FBXO34: variants seen among roughly 807,000 people sequenced by gnomAD.
FBXO34 encodes F-box protein 34.
In FBXO34, 12 loss-of-function variants were observed where a neutral mutation model predicts 24.5. The observed-to-expected ratio is 0.49, with a 90% CI of 0.31 to 0.79. The LOEUF is 0.79. FBXO34 is among the 30% of genes least tolerant of loss of function. The pLI is 0.04. For synonymous variants in FBXO34, 320 were observed against 311.9 expected (o/e 1.03, Z -0.27); for missense variants, 823 against 857.7 (o/e 0.96, Z 0.51).
chr14:55,433,311 T>A, the FBXO34 span, among the ~76,000 whole-genome samples: 1 of 29,834 alleles, frequency 3.4e-5, no homozygotes, highest in Admixed American at 4.6e-4. Context: ...AGATTTCTCT[T>A]TTTTTTTTTT....
At position 55,281,199 on chromosome 14, in the gene FBXO34, A is replaced by T. The variant is rs920955735; in HGVS notation, c.-11+9662A>T. Among the ~76,000 whole-genome samples the T allele has an allele frequency of 2.8e-5, 4 of 143,252 alleles. No individual in the cohort carries two copies. In the South Asian group the frequency reaches 6.8e-4, roughly 24 times the overall value. The allele number at this position is 143,252 out of a possible 152,430, so 94.0% of individuals were successfully genotyped here. A position where few individuals can be genotyped will look rare whatever the true frequency, so the allele number is the denominator to read the frequency against. The stretch of plus-strand genomic sequence containing the variant: ...AACACAGGAGTTTTAGGTTATGGTG[A>T]GCTATGATCGTGCCACTGGACTCCA... On this transcript the variant is annotated intron_variant, in intron 1 of 1. Transcript: ENST00000313833.
the FBXO34 span, among the ~76,000 whole-genome samples, chr14:55,442,007 C>A: frequency 2.0e-5 from 3 of 151,772 alleles, no homozygotes; most frequent in Non-Finnish European, 2.9e-5. Context: ...AGGTGATCCA[C>A]CTGCCTTGGC....
chr14:55,340,199 A>G (rs1883944533), intron 1 of FBXO34, among the ~76,000 whole-genome samples: 1 of 152,072 alleles, frequency 6.6e-6, no homozygotes, highest in Non-Finnish European at 1.5e-5. Context: ...CTTGCAAGCA[A>G]ACTCTTTTGC....
At chr14:55,432,726 T>C in the FBXO34 span, among the ~76,000 whole-genome samples, 3 of 152,218 alleles carry the variant, frequency 2.0e-5, no homozygotes, top group Non-Finnish European at 4.4e-5. Flanking sequence ...AGTACATTTA[T>C]AGAGCGAGAA....
At chr14:55,437,842 A>G in the FBXO34 span, among the ~76,000 whole-genome samples, 1 of 152,236 alleles carries the variant, frequency 6.6e-6, no homozygotes, top group South Asian at 2.1e-4. Flanking sequence ...GCAAAGGCGT[A>G]ATAAGAATTC....
intron 1 of FBXO34, among the ~76,000 whole-genome samples, chr14:55,307,631 T>G (rs928591365): frequency 6.6e-6 from 1 of 152,264 alleles, no homozygotes; most frequent in African/African-American, 2.4e-5. Flanking sequence ...TGCTGAGAGA[T>G]AACCTACTGA....
the FBXO34 span, chr14:55,382,095 T>C: frequency 6.2e-7 from 1 of 1,614,014 alleles, no homozygotes; most frequent in South Asian, 1.1e-5. Context: ...AGACCCATCG[T>C]CCTGAGAGGT....
the FBXO34 span, among the ~76,000 whole-genome samples, chr14:55,437,864 T>G: frequency 6.6e-6 from 1 of 152,224 alleles, no homozygotes; most frequent in Non-Finnish European, 1.5e-5. Flanking sequence ...TGTAATGTTC[T>G]AGTTAGAAGA....
At chr14:55,388,940 C>G in the FBXO34 span, among the ~76,000 whole-genome samples, 3 of 151,964 alleles carry the variant, frequency 2.0e-5, no homozygotes, top group Non-Finnish European at 4.4e-5. Flanking sequence ...AGAGTAAGCA[C>G]GTTGAAGCTT....
intron 1 of FBXO34, among the ~76,000 whole-genome samples, chr14:55,341,934 C>T (rs1884007026): frequency 6.6e-6 from 1 of 152,102 alleles, no homozygotes; most frequent in Admixed American, 6.5e-5. Flanking sequence ...TCCTCCAGGC[C>T]CTTCTCTTCC....
the FBXO34 span, among the ~76,000 whole-genome samples, chr14:55,407,591 T>G: frequency 6.6e-6 from 1 of 152,238 alleles, no homozygotes; most frequent in Admixed American, 6.5e-5. Context: ...AAAGTTGTAT[T>G]GCTTTTGACA....
chr14:55,355,996 G>C (rs1289808256), downstream of FBXO34, among the ~76,000 whole-genome samples: 1 of 152,158 alleles, frequency 6.6e-6, no homozygotes, highest in African/African-American at 2.4e-5. Flanking sequence ...GGGTTTGCTC[G>C]GTACCTCTCA....
chr14:55,275,659 A>T (rs1381502258), intron 1 of FBXO34, among the ~76,000 whole-genome samples: 2 of 151,486 alleles, frequency 1.3e-5, no homozygotes, highest in Non-Finnish European at 2.9e-5. Flanking sequence ...CTAAAAAAAA[A>T]AAAAAATACA....
At chr14:55,380,875 A>ATATATATATATATATAT in the FBXO34 span, among the ~76,000 whole-genome samples, 21 of 112,700 alleles carry the variant, frequency 1.9e-4, no homozygotes, top group African/African-American at 6.8e-4. Flanking sequence ...ATATATATAT[A>ATATATATATATATATAT]TTTTTTTTTT....
rs760130316 is a variant in FBXO34 at position 55,352,117 on chromosome 14, C to A, written c.1727C>A (p.Ala576Asp). 154 of 1,614,040 alleles carry A rather than the reference C, an allele frequency of 9.5e-5. 1 individual carries two copies. Among genetic ancestry groups the A allele is most frequent in the Middle Eastern group, 1.6e-4 (1 of 6,084 alleles). The change falls in exon 2 of 2, where the codon GCT becomes GAT. Residue 576 changes from alanine to aspartate, a missense_variant. By Grantham distance (126) the Ala-to-Asp change is moderately radical. Coordinates refer to ENST00000313833, the MANE Select transcript of FBXO34 (RefSeq NM_017943.4). ...CTTTTGGAGCCTCAGCAGTACATGG[C>A]TTTTCTGCCCCACCACATTATGGTA... ...QQLLEPQQYM[A>D]FLPHHIMVKI...
chr14:55,315,475 G>A (rs948926253), intron 1 of FBXO34, among the ~76,000 whole-genome samples: 1 of 152,106 alleles, frequency 6.6e-6, no homozygotes, highest in Non-Finnish European at 1.5e-5. Context: ...TAGATTTCAT[G>A]TCTTCTTTCT....
At chr14:55,396,600 A>G in the FBXO34 span, among the ~76,000 whole-genome samples, 2 of 152,188 alleles carry the variant, frequency 1.3e-5, no homozygotes, top group Non-Finnish European at 2.9e-5. Context: ...CCACGTTGGC[A>G]TGGTTTGGGG....
At position 55,302,446 on chromosome 14, in the gene FBXO34, C is replaced by CTT. The variant is rs199946477; in HGVS notation, c.-11+30914_-11+30915dup. On this transcript the variant is annotated intron_variant, in intron 1 of 1. Transcript: ENST00000313833. Reference sequence around the variant, plus strand: ...TTCTCATCAAGTGACTCTGTAGCCTCTTTTTTGTTTTTTTTTTTTTTTTTA... The same window carrying CTT: ...TTCTCATCAAGTGACTCTGTAGCCTCTTTTTTTTGTTTTTTTTTTTTTTTTTA... Among the ~76,000 whole-genome samples, 383 of 129,538 alleles carry CTT rather than the reference C, an allele frequency of 3.0e-3. 9 individuals carry two copies. Among genetic ancestry groups the CTT allele is most frequent in the Non-Finnish European group, 4.5e-3 (277 of 61,656 alleles). The allele number at this position is 129,538 out of a possible 152,430, so 85.0% of individuals were successfully genotyped here.
chr14:55,291,488 C>T (rs569586615), intron 1 of FBXO34, among the ~76,000 whole-genome samples: 5 of 152,252 alleles, frequency 3.3e-5, no homozygotes, highest in South Asian at 2.1e-4. Flanking sequence ...ACAAACATGT[C>T]ACTGTGAACT....
Sources: gnomAD v4.1 joint callset for allele counts (sites outside exome capture counted in the v4.1 genomes callset) on GRCh38, gnomAD v4.1.1 for gene constraint, MANE v1.5 for transcripts, NCBI Gene and HGNC (gene_info 2026-07-23, HGNC 2026-07-21) for gene names.